AGBL1: variants seen among roughly 807,000 people sequenced by gnomAD.
AGBL1 encodes the protein AGBL carboxypeptidase 1, also known as cytosolic carboxypeptidase 4.
In AGBL1, 130 loss-of-function variants were observed where a neutral mutation model predicts 118.9. The observed-to-expected ratio is 1.09, with a 90% confidence interval of 0.95 to 1.26. The LOEUF is 1.26. AGBL1 is among the 50% of genes most tolerant of loss of function. The pLI, the probability that AGBL1 is intolerant of heterozygous loss-of-function variation, is 0.00. For missense variants in AGBL1, 1,584 were observed against 1,298.1 expected, an observed-to-expected ratio of 1.22 and a Z score of -3.38; for synonymous variants, 555 against 478.9, an observed-to-expected ratio of 1.16 and a Z score of -2.08.
In AGBL1 at chr15:86,817,597, GGAGA is replaced by G. The variant is rs368552988; in HGVS notation, c.3159-89479_3159-89476del. ...ACAGACACACACACACACACACAGA[GGAGA>G]GAGAGAGAGAAAAAGAGACAGGCAT... On this transcript the variant is annotated intron_variant, in intron 22 of 22. Coordinates refer to ENST00000614907, the MANE Select transcript of AGBL1 (RefSeq NM_001386094.1). 4.9e-3 allele frequency among the ~76,000 whole-genome samples: 609 copies of G among 123,556 alleles called. 8 individuals carry two copies. Among genetic ancestry groups the G allele is most frequent in the African/African-American group, 0.016 (476 of 29,872 alleles). The allele number at this position is 123,556 out of a possible 152,430, so 81.1% of individuals were successfully genotyped here. A position where few individuals can be genotyped will look rare whatever the true frequency, so the allele number is the denominator to read the frequency against.
At chr15:86,770,662 C>G (rs2141287762) in intron 22 of AGBL1, among the ~76,000 whole-genome samples, 1 of 151,890 alleles carries the variant, frequency 6.6e-6, no homozygotes, top group East Asian at 2.0e-4. Flanking sequence ...CTTTAAAGGA[C>G]AATTAGGAGT....
chr15:86,370,151 A>G (rs1025960918), intron 17 of AGBL1, among the ~76,000 whole-genome samples: 2 of 152,192 alleles, frequency 1.3e-5, no homozygotes, highest in African/African-American at 2.4e-5. Context: ...CATTACATAT[A>G]AAAACATATG....
intron 17 of AGBL1, among the ~76,000 whole-genome samples, chr15:86,382,272 G>C (rs950683452): frequency 3.3e-5 from 5 of 152,218 alleles, no homozygotes; most frequent in African/African-American, 1.2e-4. Flanking sequence ...GATGGCAGAA[G>C]TAAACTTTGA....
intron 23 of AGBL1, among the ~76,000 whole-genome samples, chr15:86,922,454 C>G (rs1035613986): frequency 6.6e-6 from 1 of 152,182 alleles, no homozygotes; most frequent in East Asian, 1.9e-4. Context: ...CCATGCCCAG[C>G]TAATTCTGTG....
At chr15:86,563,317 G>A (rs1237325761) in intron 21 of AGBL1, among the ~76,000 whole-genome samples, 4 of 152,176 alleles carry the variant, frequency 2.6e-5, no homozygotes, top group African/African-American at 9.7e-5. Flanking sequence ...TGCTTTAAAT[G>A]TGTCCCAGAG....
intron 1 of AGBL1, among the ~76,000 whole-genome samples, chr15:86,105,716 C>G (rs1897016791): frequency 6.6e-6 from 1 of 152,160 alleles, no homozygotes; most frequent in African/African-American, 2.4e-5. Context: ...TAATAGATCC[C>G]TCAGTTACAA....
Position 86,523,503 on chromosome 15 carries a change from G to A in AGBL1, c.2685+564G>A, listed in dbSNP as rs963133405. Reference sequence around the variant, plus strand: ...GATTAGAACTTGAATACATCTTTTGGGGGGACACAATTGACCCCACAACAA... The same window carrying A: ...GATTAGAACTTGAATACATCTTTTGAGGGGACACAATTGACCCCACAACAA... On this transcript the variant is annotated intron_variant, in intron 19 of 22. Transcript: ENST00000614907. Among the ~76,000 whole-genome samples the A allele has an allele frequency of 2.0e-5, 3 of 152,166 alleles. No individual in the cohort carries two copies. In the South Asian group the frequency reaches 6.2e-4, roughly 32 times the overall value.
At chr15:86,435,514 TA>T (rs1285696987) in intron 18 of AGBL1, among the ~76,000 whole-genome samples, 2 of 152,232 alleles carry the variant, frequency 1.3e-5, no homozygotes, top group African/African-American at 2.4e-5. Flanking sequence ...AGGCTAATTT[TA>T]AAAGAATAAT....
intron 22 of AGBL1, among the ~76,000 whole-genome samples, chr15:86,710,095 G>T (rs949800162): frequency 6.6e-6 from 1 of 152,096 alleles, no homozygotes; most frequent in Admixed American, 6.6e-5. Context: ...CTAGAACAAA[G>T]GTACTAAATA....
At chr15:86,771,893 A>G (rs1205255562) in intron 22 of AGBL1, among the ~76,000 whole-genome samples, 1 of 152,024 alleles carries the variant, frequency 6.6e-6, no homozygotes, top group Non-Finnish European at 1.5e-5. Flanking sequence ...GCCAGTAGGC[A>G]GGCAGAGTCA....
intron 22 of AGBL1, among the ~76,000 whole-genome samples, chr15:86,727,943 T>TG (rs1184391788): frequency 1.3e-5 from 2 of 152,234 alleles, no homozygotes; most frequent in African/African-American, 2.4e-5. Flanking sequence ...GCTTCTACAG[T>TG]GACTTACTGT....
intron 18 of AGBL1, among the ~76,000 whole-genome samples, chr15:86,408,918 C>G (rs1301270243): frequency 2.0e-5 from 3 of 151,902 alleles, no homozygotes; most frequent in Non-Finnish European, 4.4e-5. Context: ...GAGGTCTCAG[C>G]CATTTTGAAT....
intron 23 of AGBL1, among the ~76,000 whole-genome samples, chr15:86,946,928 C>T (rs2080830562): frequency 6.6e-6 from 1 of 151,454 alleles, no homozygotes; most frequent in South Asian, 2.1e-4. Flanking sequence ...ATTGATTCAT[C>T]CCTTCGCATG....
At chr15:86,496,271 C>A (rs568444963) in intron 18 of AGBL1, among the ~76,000 whole-genome samples, 1 of 152,034 alleles carries the variant, frequency 6.6e-6, no homozygotes, top group Non-Finnish European at 1.5e-5. Context: ...GTACCTGCTT[C>A]CCTTTTGCCT....
chr15:86,164,850 G>A (rs1489186211), intron 5 of AGBL1, among the ~76,000 whole-genome samples: 1 of 152,150 alleles, frequency 6.6e-6, no homozygotes, highest in Admixed American at 6.6e-5. Flanking sequence ...CTCACAGGCT[G>A]GGATAGCTCC....
chr15:86,109,833 C>T (rs1897257460), intron 1 of AGBL1: 1 of 152,170 alleles, frequency 6.6e-6, no homozygotes. Context: ...TGTTATGATG[C>T]TGGGGAGTCT....
intron 16 of AGBL1, 72 bp downstream of exon 16, chr15:86,279,855 G>A: frequency 6.4e-7 from 1 of 1,556,580 alleles, no homozygotes; most frequent in South Asian, 1.1e-5. Context: ...GGAACATTTT[G>A]GAGACCCTGA....
intron 24 of AGBL1, among the ~76,000 whole-genome samples, chr15:86,992,692 C>A (rs2081346191): frequency 6.6e-6 from 1 of 151,170 alleles, no homozygotes; most frequent in Non-Finnish European, 1.5e-5. Flanking sequence ...TCTTGCCAAC[C>A]AGGATTGCAA....
intron 22 of AGBL1, among the ~76,000 whole-genome samples, chr15:86,804,937 G>T (rs1474855145): frequency 6.6e-6 from 1 of 152,160 alleles, no homozygotes; most frequent in Non-Finnish European, 1.5e-5. Flanking sequence ...GGTAGGAAAA[G>T]TTTAGATTAG....
Sources: allele counts gnomAD v4.1 joint callset (sites outside exome capture counted in the v4.1 genomes callset), GRCh38; gene constraint gnomAD v4.1.1; transcripts MANE v1.5; gene names NCBI Gene and HGNC (gene_info 2026-07-23, HGNC 2026-07-21).